The following BCAS1 variants were observed in gnomAD, a reference collection of about 807,000 sequenced individuals.
The protein encoded by BCAS1 is breast carcinoma-amplified sequence 1.
In BCAS1, 46 loss-of-function variants were observed where a neutral mutation model predicts 65.4. That is an observed-to-expected ratio of 0.70 (90% CI 0.55 to 0.90). The LOEUF is 0.90. BCAS1 is among the 40% of genes least tolerant of loss of function. BCAS1 has a pLI of 0.00. For missense variants in BCAS1, 793 were observed against 771.2 expected, an observed-to-expected ratio of 1.03 and a Z score of -0.33; for synonymous variants, 298 against 293.5, an observed-to-expected ratio of 1.02 and a Z score of -0.16.
At chr20:53,997,268 G>C (rs948544125) in intron 4 of BCAS1, among the ~76,000 whole-genome samples, 1 of 152,202 alleles carries the variant, frequency 6.6e-6, no homozygotes, top group Non-Finnish European at 1.5e-5. Context: ...CAAGGACAGC[G>C]AGGCCCACAG....
Position 53,953,457 on chromosome 20 carries a change from G to T in BCAS1, c.1790C>A (p.Ser597Tyr). The change falls in exon 12 of 13, where the codon TCC becomes TAC. Residue 597 changes from serine to tyrosine, a missense_variant. By Grantham distance (144) the Ser-to-Tyr change is moderately radical (BLOSUM62 -2). Coordinates refer to ENST00000688948, the MANE Select transcript of BCAS1 (RefSeq NM_001366298.2). ...LQKRPEKRQQ[S>Y]LGGFFKGLGP... is the part of the protein sequence containing the mutation. Reference sequence around the variant, plus strand: ...CAGGCCTTTAAAGAAGCCCCCAAGGGACTGCTGCCGCTTCTCAGGTCTCTT... The same window carrying T: ...CAGGCCTTTAAAGAAGCCCCCAAGGTACTGCTGCCGCTTCTCAGGTCTCTT... 6.2e-7 allele frequency: 1 copy of T among 1,614,052 alleles called. No homozygotes were observed.
intron 3 of BCAS1, among the ~76,000 whole-genome samples, chr20:54,045,421 A>G (rs1388207037): frequency 6.6e-6 from 1 of 152,204 alleles, no homozygotes; most frequent in Non-Finnish European, 1.5e-5. Context: ...AGATTATTAC[A>G]ATTAAAAAAA....
At chr20:54,046,382 A>C (rs2092105768) in intron 3 of BCAS1, among the ~76,000 whole-genome samples, 1 of 152,026 alleles carries the variant, frequency 6.6e-6, no homozygotes, top group Non-Finnish European at 1.5e-5. Flanking sequence ...ACAGAAGATT[A>C]GCTGGGTGTG....
intron 3 of BCAS1, among the ~76,000 whole-genome samples, chr20:54,046,811 T>C (rs2092116769): frequency 7.0e-6 from 1 of 143,016 alleles, no homozygotes; most frequent in African/African-American, 2.6e-5. Flanking sequence ...GCCACTGCAC[T>C]CCAGCCTGGG....
chr20:54,040,930 C>G (rs572463839), intron 3 of BCAS1, among the ~76,000 whole-genome samples: 8 of 151,366 alleles, frequency 5.3e-5, no homozygotes, highest in African/African-American at 1.9e-4. Context: ...GTGGAAACAA[C>G]CCAAATATCC....
chr20:53,982,454 A>G (rs2090507159), intron 8 of BCAS1, among the ~76,000 whole-genome samples: 1 of 152,224 alleles, frequency 6.6e-6, no homozygotes, highest in South Asian at 2.1e-4. Flanking sequence ...AAAACAACTT[A>G]TACTTTCATA....
At chr20:54,028,243 T>C (rs2091718668) in intron 4 of BCAS1, 149 bp downstream of exon 4, 1 of 735,038 alleles carries the variant, frequency 1.4e-6, no homozygotes, top group Admixed American at 2.1e-5. Context: ...AGGATGACAC[T>C]CTGCTGCAAT....
rs73275895 is a variant in BCAS1, at chr20:54,007,793, C to T, written c.724-11743G>A. On this transcript the variant is annotated intron_variant, in intron 4 of 12. Coordinates refer to ENST00000688948, the MANE Select transcript of BCAS1 (RefSeq NM_001366298.2). The stretch of plus-strand genomic sequence containing the variant: ...TGCTTCTGGGAAGATGGGGCACACA[C>T]ACTTTCTCCTGTTCCTCTCACCAAG... 2.2e-3 allele frequency among the ~76,000 whole-genome samples: 340 copies of T among 152,246 alleles called. 2 individuals carry two copies. The highest frequency in any genetic ancestry group is 7.9e-3 in the African/African-American group (328 of 41,526).
intron 12 of BCAS1, among the ~76,000 whole-genome samples, chr20:53,951,970 AGAAG>A (rs1472110006): frequency 2.6e-5 from 4 of 152,236 alleles, no homozygotes; most frequent in African/African-American, 9.6e-5. Flanking sequence ...GAAAAATGAA[AGAAG>A]GAAGAAGGGA....
intron 4 of BCAS1, 41 bp downstream of exon 4, chr20:54,028,351 C>CATGCATTCAG: frequency 6.2e-7 from 1 of 1,605,974 alleles, no homozygotes; most frequent in Non-Finnish European, 8.5e-7. Flanking sequence ...CGCCCCCGAG[C>CATGCATTCAG]ATGCATTCAG....
chr20:54,007,321 G>C (rs1160517290), intron 4 of BCAS1, among the ~76,000 whole-genome samples: 1 of 152,130 alleles, frequency 6.6e-6, no homozygotes. Context: ...TCAGCTGAAG[G>C]GACTAGGAAT....
At position 53,944,201 on chromosome 20, in the gene BCAS1, T is replaced by G. The variant is rs1028037068; in HGVS notation, c.*721A>C. 6.6e-6 allele frequency: 1 copy of G among 152,212 alleles called. No individual in the cohort carries two copies. Among genetic ancestry groups the G allele is most frequent in the Non-Finnish European group, 1.5e-5 (1 of 68,054 alleles). 9.4% of individuals were successfully genotyped at this position (152,212 alleles called of 1,614,324 possible). A position where few individuals can be genotyped will look rare whatever the true frequency, so the allele number is the denominator to read the frequency against. ...GGTTCTCCCTCCTTGAGATGTGAAT[T>G]TAAACAAATGGATTTTCGTCTCCCT... On this transcript the variant is annotated 3_prime_UTR_variant, in exon 13 of 13. Coordinates refer to ENST00000688948, the MANE Select transcript of BCAS1 (RefSeq NM_001366298.2).
chr20:54,029,463 G>A (rs752157926), intron 3 of BCAS1, among the ~76,000 whole-genome samples: 3 of 152,164 alleles, frequency 2.0e-5, no homozygotes, highest in Non-Finnish European at 2.9e-5. Flanking sequence ...CCCACTAGAC[G>A]CCGGTCACAT....
At chr20:53,972,091 G>A (rs1212553963) in intron 9 of BCAS1, among the ~76,000 whole-genome samples, 3 of 152,128 alleles carry the variant, frequency 2.0e-5, no homozygotes, top group Admixed American at 6.5e-5. Context: ...CCTTGCATCC[G>A]TTGATAGATT....
At chr20:54,007,381 G>A (rs2091222219) in intron 4 of BCAS1, among the ~76,000 whole-genome samples, 1 of 152,198 alleles carries the variant, frequency 6.6e-6, no homozygotes, top group Non-Finnish European at 1.5e-5. Context: ...ATCAGGATCT[G>A]CCATGATGGA....
chr20:53,988,078 G>A lies in BCAS1; in HGVS notation c.1063-2579C>T, dbSNP rs188786024. 5.3e-5 allele frequency among the ~76,000 whole-genome samples: 8 copies of A among 152,254 alleles called. No homozygotes were observed. In the East Asian group the frequency reaches 1.5e-3, roughly 29 times the overall value. On this transcript the variant is annotated intron_variant, in intron 7 of 12. Coordinates refer to ENST00000688948, the MANE Select transcript of BCAS1 (RefSeq NM_001366298.2). Reference sequence around the variant, plus strand: ...GTTGCTTTAAGCCAATCATCAATCTGCCGAAGTCATTAGAAGGGCGGCTCC... The same window carrying A: ...GTTGCTTTAAGCCAATCATCAATCTACCGAAGTCATTAGAAGGGCGGCTCC...
chr20:54,058,193 G>C (rs2092325861), intron 2 of BCAS1, 39 bp from the exon 3 acceptor site: 1 of 1,581,774 alleles, frequency 6.3e-7, no homozygotes, highest in Non-Finnish European at 8.7e-7. Context: ...CAAATCTTCG[G>C]GGGAAAATCA....
At chr20:53,960,125 A>C (rs2145572726) in intron 10 of BCAS1, among the ~76,000 whole-genome samples, 1 of 152,276 alleles carries the variant, frequency 6.6e-6, no homozygotes, top group South Asian at 2.1e-4. Context: ...CAAAAAACAA[A>C]CAAATGCACA....
chr20:53,953,644 C>T lies in BCAS1; in HGVS notation c.1603G>A (p.Gly535Arg). Reference sequence around the variant, plus strand: ...CCCTCTTTACCCTTCTGTGGTGCTCCTGTTGGTTCAGGCTCTGGCGGTGTG... The same window carrying T: ...CCCTCTTTACCCTTCTGTGGTGCTCTTGTTGGTTCAGGCTCTGGCGGTGTG... ...TITPPEPEPT[G>R]APQKGKEGSS... The change falls in exon 12 of 13, where the codon GGA becomes AGA. Residue 535 changes from glycine to arginine, a missense_variant. Physicochemically the swap from Gly to Arg is moderately radical, Grantham distance 125 (BLOSUM62 -2). Coordinates refer to ENST00000688948, the MANE Select transcript of BCAS1 (RefSeq NM_001366298.2). 1 of 1,613,876 alleles carries T rather than the reference C, an allele frequency of 6.2e-7. No homozygotes were observed.
Sources: allele counts gnomAD v4.1 joint callset (sites outside exome capture counted in the v4.1 genomes callset), GRCh38; gene constraint gnomAD v4.1.1; transcripts MANE v1.5; gene names NCBI Gene and HGNC (gene_info 2026-07-23, HGNC 2026-07-21).